DPH6: variants seen among roughly 807,000 people sequenced by gnomAD.
DPH6 encodes the protein diphthine--ammonia ligase.
Under a neutral mutation model 38.2 loss-of-function variants are expected in DPH6, and 33 were observed. That is an observed-to-expected ratio of 0.86 (90% CI 0.65 to 1.15). The LOEUF (loss-of-function observed/expected upper bound fraction) is 1.15. DPH6 is among the 50% of genes most tolerant of loss of function. The probability of loss-of-function intolerance (pLI) is 0.00; values close to 1 mark genes in which losing one functional copy is unlikely to be tolerated. For synonymous variants in DPH6, 108 were observed against 103.0 expected (o/e 1.05, Z -0.30); for missense variants, 325 against 320.0 (o/e 1.02, Z -0.12).
At chr15:35,534,056 A>G (rs960237639) in intron 3 of DPH6, among the ~76,000 whole-genome samples, 2 of 152,084 alleles carry the variant, frequency 1.3e-5, no homozygotes, top group African/African-American at 2.4e-5. Flanking sequence ...AAGAGAAGAA[A>G]ACTAAGAAAA....
downstream of DPH6, among the ~76,000 whole-genome samples, chr15:35,366,904 T>A (rs575663980): frequency 8.2e-4 from 125 of 152,112 alleles, 2 homozygotes; most frequent in East Asian, 0.021. Context: ...AGATTCCATG[T>A]AGACCTAGTA....
At chr15:35,174,262 G>T in the DPH6 span, among the ~76,000 whole-genome samples, 1 of 152,020 alleles carries the variant, frequency 6.6e-6, no homozygotes, top group Admixed American at 6.6e-5. Flanking sequence ...TGAAGCCACG[G>T]AAAACTTGCT....
intron 5 of DPH6, among the ~76,000 whole-genome samples, chr15:35,426,773 G>A (rs1244056109): frequency 6.6e-6 from 1 of 151,216 alleles, no homozygotes; most frequent in Non-Finnish European, 1.5e-5. Context: ...GAACCATCCA[G>A]GTTTCTAGGA....
At chr15:35,213,349 A>T (rs2051396473), downstream of DPH6, among the ~76,000 whole-genome samples, 1 of 152,280 alleles carries the variant, frequency 6.6e-6, no homozygotes, top group South Asian at 2.1e-4. Flanking sequence ...CTAAGATGAC[A>T]GCAAATTAAG....
intron 3 of DPH6, chr15:35,521,004 C>T (rs1040602444): frequency 1.2e-5 from 12 of 985,142 alleles, no homozygotes; most frequent in Non-Finnish European, 1.4e-5. Flanking sequence ...TGTCAACCTA[C>T]TCATAAATCA....
chr15:35,380,654 T>C (rs1217696093), intron 7 of DPH6, among the ~76,000 whole-genome samples: 1 of 152,260 alleles, frequency 6.6e-6, no homozygotes, highest in Non-Finnish European at 1.5e-5. Context: ...TAATATAACG[T>C]ATTATTTCAT....
chr15:35,189,705 G>T, the DPH6 span, among the ~76,000 whole-genome samples: 1 of 152,060 alleles, frequency 6.6e-6, no homozygotes, highest in Admixed American at 6.6e-5. Context: ...AAATAAATTG[G>T]CTATAGACAG....
intron 3 of DPH6, among the ~76,000 whole-genome samples, chr15:35,254,163 G>A (rs895279300): frequency 6.6e-6 from 1 of 152,134 alleles, no homozygotes; most frequent in Non-Finnish European, 1.5e-5. Context: ...CTGCAAATGG[G>A]ACTGCACAAA....
At chr15:35,272,051 C>T (rs1372712478) in intron 3 of DPH6, among the ~76,000 whole-genome samples, 1 of 152,092 alleles carries the variant, frequency 6.6e-6, no homozygotes, top group Non-Finnish European at 1.5e-5. Context: ...ATGCAGTTCA[C>T]CTTCTGTATC....
At chr15:35,201,587 C>A in the DPH6 span, among the ~76,000 whole-genome samples, 1 of 151,778 alleles carries the variant, frequency 6.6e-6, no homozygotes, top group Non-Finnish European at 1.5e-5. Flanking sequence ...CATTTAGAGG[C>A]ATAATTCTTG....
At chr15:35,225,435 A>G (rs917118529) in intron 3 of DPH6, among the ~76,000 whole-genome samples, 1 of 152,238 alleles carries the variant, frequency 6.6e-6, no homozygotes, top group Non-Finnish European at 1.5e-5. Flanking sequence ...GGGATTATTT[A>G]TATCAGTATA....
intron 3 of DPH6, among the ~76,000 whole-genome samples, chr15:35,226,553 C>T (rs1214702934): frequency 6.6e-6 from 1 of 152,052 alleles, no homozygotes; most frequent in East Asian, 1.9e-4. Flanking sequence ...AAAAAGCTAT[C>T]CTTGGACTGA....
At chr15:35,179,204 C>CTCA in the DPH6 span, among the ~76,000 whole-genome samples, 9,987 of 51,294 alleles carry the variant, frequency 0.19, 863 homozygotes, top group Non-Finnish European at 0.25. Flanking sequence ...ACAACTCTGT[C>CTCA]AAAAAAAAAA....
At chr15:35,329,465 C>G (rs1348667166), downstream of DPH6, among the ~76,000 whole-genome samples, 1 of 152,092 alleles carries the variant, frequency 6.6e-6, no homozygotes, top group Admixed American at 6.6e-5. Context: ...ACCTGAATTT[C>G]TAAATTTAGA....
At chr15:35,259,220 G>A (rs983362134) in intron 3 of DPH6, among the ~76,000 whole-genome samples, 1 of 151,794 alleles carries the variant, frequency 6.6e-6, no homozygotes. Context: ...TGTAAGGGGT[G>A]TTCTAATCAT....
intron 3 of DPH6, among the ~76,000 whole-genome samples, chr15:35,263,083 T>C (rs1234818972): frequency 6.6e-6 from 1 of 152,218 alleles, no homozygotes; most frequent in African/African-American, 2.4e-5. Context: ...AAGTTTCTAA[T>C]GAAGAGAAAC....
chr15:35,501,006 G>A (rs979660526), intron 3 of DPH6, among the ~76,000 whole-genome samples: 1 of 152,112 alleles, frequency 6.6e-6, no homozygotes, highest in Non-Finnish European at 1.5e-5. Context: ...CTCCCAAAGT[G>A]CTGGGACTAC....
intron 3 of DPH6, among the ~76,000 whole-genome samples, chr15:35,349,655 G>C (rs1396324618): frequency 1.3e-5 from 2 of 152,064 alleles, no homozygotes; most frequent in Non-Finnish European, 2.9e-5. Context: ...AGCTGGTCTT[G>C]AACTCCTGAC....
intron 3 of DPH6, among the ~76,000 whole-genome samples, chr15:35,523,358 G>C (rs1324395481): frequency 6.7e-6 from 1 of 148,334 alleles, no homozygotes; most frequent in Non-Finnish European, 1.5e-5. Flanking sequence ...CCAAAAATTA[G>C]TGAGGAATTC....
Sources: allele counts gnomAD v4.1 joint callset (sites outside exome capture counted in the v4.1 genomes callset), GRCh38; gene constraint gnomAD v4.1.1; transcripts MANE v1.5; gene names NCBI Gene and HGNC (gene_info 2026-07-23, HGNC 2026-07-21).